The following FXYD6 variants were observed in gnomAD, a reference collection of about 807,000 sequenced individuals.
FXYD6 encodes FXYD domain containing ion transport regulator 6, also known as FXYD domain-containing ion transport regulator 6.
In FXYD6, 7 loss-of-function variants were observed where a neutral mutation model predicts 16.7. The ratio of observed to expected loss-of-function variants is 0.42; its 90% CI spans 0.24 to 0.79. The LOEUF (loss-of-function observed/expected upper bound fraction) is 0.79. FXYD6 is among the 30% of genes least tolerant of loss of function. The probability of loss-of-function intolerance (pLI) is 0.28; values close to 1 mark genes in which losing one functional copy is unlikely to be tolerated. For synonymous variants in FXYD6, 49 were observed against 43.0 expected, an observed-to-expected ratio of 1.14 and a Z score of -0.54; for missense variants, 111 against 116.2, an observed-to-expected ratio of 0.95 and a Z score of 0.21.
At position 117,838,090 on chromosome 11, in the gene FXYD6, C is replaced by T. The variant is rs2056241233; in HGVS notation, c.*209G>A. ...ACATCACGGGAGGTGGGCAGGACCGCAGGCTGCAGTGGGGAGGCAAGTGTT... is the reference window on the plus strand; with the variant it reads ...ACATCACGGGAGGTGGGCAGGACCGTAGGCTGCAGTGGGGAGGCAAGTGTT... On this transcript the variant is annotated 3_prime_UTR_variant, in exon 8 of 8. Transcript: ENST00000526014. 2.9e-6 allele frequency: 2 copies of T among 686,782 alleles called. No individual in the cohort carries two copies. Among genetic ancestry groups the T allele is most frequent in the African/African-American group, 1.8e-5 (1 of 56,856 alleles). 42.5% of individuals were successfully genotyped at this position (686,782 alleles called of 1,614,324 possible). A position where few individuals can be genotyped will look rare whatever the true frequency, so the allele number is the denominator to read the frequency against.
intron 5 of FXYD6, among the ~76,000 whole-genome samples, chr11:117,840,772 A>G (rs1031329122): frequency 7.2e-5 from 11 of 152,090 alleles, no homozygotes; most frequent in African/African-American, 2.7e-4. Context: ...TGAACAGGTG[A>G]CAAGTGGGGA....
chr11:117,838,601 T>G, intron 7 of FXYD6: 1 of 320,588 alleles, frequency 3.1e-6, no homozygotes, highest in Non-Finnish European at 5.9e-6. Context: ...GACATTTCAT[T>G]TCCAGGCTGC....
chr11:117,861,346 C>A (rs1296966004), intron 1 of FXYD6, among the ~76,000 whole-genome samples: 1 of 152,170 alleles, frequency 6.6e-6, no homozygotes, highest in African/African-American at 2.4e-5. Flanking sequence ...GAGAAGTCGG[C>A]CAATAGCTGA....
chr11:117,868,720 G>T (rs550433017), intron 1 of FXYD6, among the ~76,000 whole-genome samples: 1 of 152,160 alleles, frequency 6.6e-6, no homozygotes, highest in Non-Finnish European at 1.5e-5. Flanking sequence ...ATGTAAGATC[G>T]TAATAATAGC....
rs116110186 is a variant in FXYD6, at chr11:117,856,549, G to A, written c.-5-13768C>T. ...GATGAGGTCTCACTTCATACAGAAC[G>A]TCCCGGAATGGGGCCTTTTATGAGG... On this transcript the variant is annotated intron_variant, in intron 1 of 7. Transcript: ENST00000526014. Among the ~76,000 whole-genome samples, 306 of 152,270 alleles carry A rather than the reference G, an allele frequency of 2.0e-3. 2 individuals carry two copies. The highest frequency in any genetic ancestry group is 6.7e-3 in the African/African-American group (280 of 41,552).
At chr11:117,862,552 T>C (rs2056930488) in intron 1 of FXYD6, among the ~76,000 whole-genome samples, 1 of 152,166 alleles carries the variant, frequency 6.6e-6, no homozygotes, top group Non-Finnish European at 1.5e-5. Flanking sequence ...GACCAGGAGC[T>C]GCGGCTATCC....
At position 117,865,264 on chromosome 11, in the gene FXYD6, T is replaced by C. The variant is rs1015730759; in HGVS notation, c.-6+11328A>G. On this transcript the variant is annotated intron_variant, in intron 1 of 7. Transcript: ENST00000526014. ...AATTGGAACCACTGTGCACTGTTGC[T>C]AGGAATGTAAAATGCACAGCTGCCA... Among the ~76,000 whole-genome samples the C allele has an allele frequency of 2.8e-4, 43 of 152,202 alleles. 1 individual carries two copies. The highest frequency in any genetic ancestry group is 8.0e-4 in the African/African-American group (33 of 41,446).
At chr11:117,847,688 A>G (rs2056505400) in intron 1 of FXYD6, among the ~76,000 whole-genome samples, 1 of 152,120 alleles carries the variant, frequency 6.6e-6, no homozygotes, top group Non-Finnish European at 1.5e-5. Context: ...TACAAAGGAC[A>G]TGGACTCGTC....
At chr11:117,839,740 G>A in intron 7 of FXYD6, 41 bp downstream of exon 7, 1 of 1,612,408 alleles carries the variant, frequency 6.2e-7, no homozygotes, top group Non-Finnish European at 8.5e-7. Context: ...GATGCAGACG[G>A]TGATGGCAAC....
intron 1 of FXYD6, among the ~76,000 whole-genome samples, chr11:117,863,692 T>C (rs951498452): frequency 1.3e-5 from 2 of 152,198 alleles, no homozygotes; most frequent in East Asian, 1.9e-4. Context: ...TGTTCACAGA[T>C]GGTATCATCT....
At chr11:117,850,404 T>C (rs2056580761) in intron 1 of FXYD6, among the ~76,000 whole-genome samples, 1 of 152,260 alleles carries the variant, frequency 6.6e-6, no homozygotes, top group Non-Finnish European at 1.5e-5. Context: ...CCTCCCTGTC[T>C]TAAATTCTAT....
intron 7 of FXYD6, 70 bp from the exon 8 acceptor site, chr11:117,838,347 T>C: frequency 1.4e-6 from 1 of 700,218 alleles, no homozygotes; most frequent in Non-Finnish European, 2.6e-6. Context: ...CTTCTCTCCC[T>C]TCCTTGAGCA....
intron 7 of FXYD6, 110 bp downstream of exon 7, chr11:117,839,671 G>C (rs1443780238): frequency 6.8e-6 from 9 of 1,316,990 alleles, no homozygotes; most frequent in Admixed American, 5.3e-5. Flanking sequence ...CATAATAAAA[G>C]CTGTGCCCAC....
At chr11:117,840,206 A>T in intron 6 of FXYD6, 113 bp downstream of exon 6, 1 of 1,424,296 alleles carries the variant, frequency 7.0e-7, no homozygotes, top group Non-Finnish European at 9.9e-7. Context: ...CTCTCCTGGC[A>T]CTGCGGGAGC....
chr11:117,861,121 G>A (rs989822459), intron 1 of FXYD6, among the ~76,000 whole-genome samples: 2 of 152,212 alleles, frequency 1.3e-5, no homozygotes, highest in Non-Finnish European at 2.9e-5. Context: ...TGCATCTCGG[G>A]ATCAGTGAGG....
rs1163000741 is a variant in FXYD6 at position 117,858,744 on chromosome 11, C to CCTTT, written c.-5-15964_-5-15963insAAAG. Among the ~76,000 whole-genome samples the CCTTT allele has an allele frequency of 2.0e-4, 25 of 124,330 alleles. 3 individuals are homozygous for CCTTT. Among genetic ancestry groups the CCTTT allele is most frequent in the Non-Finnish European group, 3.4e-4 (20 of 59,604 alleles). 81.6% of individuals were successfully genotyped at this position (124,330 alleles called of 152,430 possible). Reference sequence around the variant, plus strand: ...CCTTCCCTTCCTTCCTTCCTTCCTTCCTTCCTTCCTTCCTTCCTTCCTTCC... The same window carrying CCTTT: ...CCTTCCCTTCCTTCCTTCCTTCCTTCCTTTCTTCCTTCCTTCCTTCCTTCCTTCC... On this transcript the variant is annotated intron_variant, in intron 1 of 7. Coordinates refer to ENST00000526014, the MANE Select transcript of FXYD6 (RefSeq NM_022003.4).
At position 117,867,572 on chromosome 11, in the gene FXYD6, C is replaced by T. The variant is rs1196779293; in HGVS notation, c.-6+9020G>A. Among the ~76,000 whole-genome samples the T allele has an allele frequency of 3.3e-5, 5 of 152,298 alleles. No individual in the cohort carries two copies. In the East Asian group the frequency reaches 5.8e-4, roughly 18 times the overall value. The stretch of plus-strand genomic sequence containing the variant: ...CCTCCCTCCCAAACTCAAAGGCATT[C>T]GGTGGTGCCTCTACGTCCTATTTAG... On this transcript the variant is annotated intron_variant, in intron 1 of 7. Coordinates refer to ENST00000526014, the MANE Select transcript of FXYD6 (RefSeq NM_022003.4).
chr11:117,857,531 C>T (rs1355626638), intron 1 of FXYD6, among the ~76,000 whole-genome samples: 1 of 151,766 alleles, frequency 6.6e-6, no homozygotes, highest in African/African-American at 2.4e-5. Context: ...GTCTCAGCCT[C>T]CTGAGTAGCT....
At chr11:117,863,859 CATA>C (rs2056960183) in intron 1 of FXYD6, among the ~76,000 whole-genome samples, 1 of 152,032 alleles carries the variant, frequency 6.6e-6, no homozygotes, top group Non-Finnish European at 1.5e-5. Flanking sequence ...AACTCCATAT[CATA>C]ATATCAAAAA....
Sources: gnomAD v4.1 joint callset for allele counts (sites outside exome capture counted in the v4.1 genomes callset) on GRCh38, gnomAD v4.1.1 for gene constraint, MANE v1.5 for transcripts, NCBI Gene and HGNC (gene_info 2026-07-23, HGNC 2026-07-21) for gene names.